The following KIF14 variants were observed in gnomAD, a reference collection of about 807,000 sequenced individuals.
The protein encoded by KIF14 is kinesin family member 14, also known as kinesin-like protein KIF14.
Under a neutral mutation model 176.2 loss-of-function variants are expected in KIF14, and 98 were observed. The ratio of observed to expected loss-of-function variants is 0.56; its 90% CI spans 0.47 to 0.66. The LOEUF (loss-of-function observed/expected upper bound fraction) is 0.66, where lower values mean the gene tolerates loss of function less well. Among genes scored for constraint, KIF14 ranks in the 30% least tolerant of loss-of-function variants. The pLI, the probability that KIF14 is intolerant of heterozygous loss-of-function variation, is 0.00. For missense variants in KIF14, 1,751 were observed against 1,920.4 expected, an observed-to-expected ratio of 0.91 and a Z score of 1.65; for synonymous variants, 566 against 632.2, an observed-to-expected ratio of 0.90 and a Z score of 1.57.
At chr1:200,589,139 T>A in intron 18 of KIF14, 78 bp downstream of exon 18, 1 of 1,200,330 alleles carries the variant, frequency 8.3e-7, no homozygotes. Context: ...TCTGTCAACA[T>A]ACCATAAGCC....
At chr1:200,578,115 C>T (rs1414969279) in intron 21 of KIF14, among the ~76,000 whole-genome samples, 1 of 152,020 alleles carries the variant, frequency 6.6e-6, no homozygotes, top group Non-Finnish European at 1.5e-5. Flanking sequence ...AGGTAACATA[C>T]TTTTTAAATG....
intron 18 of KIF14, among the ~76,000 whole-genome samples, chr1:200,588,518 T>C (rs1658879348): frequency 6.6e-6 from 1 of 152,110 alleles, no homozygotes; most frequent in Non-Finnish European, 1.5e-5. Flanking sequence ...GGATTACAGG[T>C]GTAAGCCACC....
rs757664988 is a variant in KIF14, at chr1:200,600,112, C to T, written c.2302G>A (p.Val768Met). 3.8e-6 allele frequency: 6 copies of T among 1,596,158 alleles called. No individual in the cohort carries two copies. Among genetic ancestry groups the T allele is most frequent in the Non-Finnish European group, 5.1e-6 (6 of 1,166,476 alleles). Reference sequence around the variant, plus strand: ...GCTTGTTCAAACTTTTCTTTCCACACTCTTTCCAAAGACAAAGAAAATAAC... The same window carrying T: ...GCTTGTTCAAACTTTTCTTTCCACATTCTTTCCAAAGACAAAGAAAATAAC... ...QERDMAEMQR[V>M]WKEKFEQAEK... The change falls in exon 13 of 30, where the codon GTG (valine) becomes ATG (methionine). Residue 768 changes from valine (V) to methionine (M), a missense_variant and splice_region_variant. Physicochemically the swap from Val to Met is conservative, Grantham distance 21 (BLOSUM62 1). Transcript: ENST00000367350.
intron 4 of KIF14, among the ~76,000 whole-genome samples, chr1:200,613,934 A>G (rs534806457): frequency 1.6e-4 from 24 of 152,306 alleles, no homozygotes; most frequent in Admixed American, 1.5e-3. Context: ...TCAAATCCCA[A>G]TTTCACTACT....
rs1269317744 is a variant in KIF14, at chr1:200,553,783, G to A, written c.4568-16C>T. 6.4e-7 allele frequency: 1 copy of A among 1,561,022 alleles called. No individual in the cohort carries two copies. Among genetic ancestry groups the A allele is most frequent in the African/African-American group, 1.4e-5 (1 of 72,768 alleles). ...CTATGGCATCCTATATGCAAGAGAG[G>A]AGGGAAAAGTTAATTAGCCTTTTCA... On this transcript the variant is annotated splice_polypyrimidine_tract_variant and intron_variant, in intron 29 of 29. Transcript: ENST00000367350.
intron 23 of KIF14, 40 bp from the exon 24 acceptor site, chr1:200,565,709 G>A: frequency 7.7e-7 from 1 of 1,300,300 alleles, no homozygotes; most frequent in African/African-American, 1.5e-5. Flanking sequence ...CTTGTTTTCA[G>A]GAATAATACT....
intron 25 of KIF14, among the ~76,000 whole-genome samples, chr1:200,563,007 C>T (rs572683214): frequency 2.0e-5 from 3 of 152,210 alleles, no homozygotes; most frequent in South Asian, 2.1e-4. Context: ...AAAGTCATAA[C>T]GGGTGAAGTT....
chr1:200,603,021 C>T (rs140150037), intron 10 of KIF14, among the ~76,000 whole-genome samples: 28 of 152,210 alleles, frequency 1.8e-4, no homozygotes, highest in African/African-American at 5.8e-4. Context: ...GATGAGGAAA[C>T]GGGCTAGAAT....
At chr1:200,576,193 G>GT (rs1658090971) in intron 21 of KIF14, among the ~76,000 whole-genome samples, 1 of 152,262 alleles carries the variant, frequency 6.6e-6, no homozygotes, top group Admixed American at 6.5e-5. Flanking sequence ...AAAGTAGGAG[G>GT]TAAGGCCGGG....
intron 19 of KIF14, among the ~76,000 whole-genome samples, chr1:200,582,710 C>T (rs1327559259): frequency 4.6e-5 from 7 of 151,994 alleles, no homozygotes; most frequent in African/African-American, 9.6e-5. Context: ...ATTAGTCAGG[C>T]GTGGTAGCGG....
In KIF14 at chr1:200,620,509, C is replaced by G. The variant is rs978156654; in HGVS notation, c.-214G>C. 15 of 152,344 alleles carry G rather than the reference C, an allele frequency of 9.8e-5. No homozygotes were observed. Among genetic ancestry groups the G allele is most frequent in the Non-Finnish European group, 2.2e-4 (15 of 68,114 alleles). 9.4% of individuals were successfully genotyped at this position (152,344 alleles called of 1,614,324 possible). A position where few individuals can be genotyped will look rare whatever the true frequency, so the allele number is the denominator to read the frequency against. ...CGGTCCCAGCAGAGACGCTGCCTTG[C>G]GCCCTTCGTTCGGGGACCCCTTCGC... On this transcript the variant is annotated 5_prime_UTR_variant, in exon 1 of 30. Coordinates refer to ENST00000367350, the MANE Select transcript of KIF14 (RefSeq NM_014875.3).
At chr1:200,592,537 A>C (rs1363342315) in intron 15 of KIF14, among the ~76,000 whole-genome samples, 1 of 152,118 alleles carries the variant, frequency 6.6e-6, no homozygotes, top group Non-Finnish European at 1.5e-5. Context: ...CACCACACCC[A>C]GCTAATTTTT....
chr1:200,573,072 G>A (rs999979535), intron 22 of KIF14, among the ~76,000 whole-genome samples: 2 of 152,136 alleles, frequency 1.3e-5, no homozygotes, highest in African/African-American at 2.4e-5. Flanking sequence ...CCCACCCACC[G>A]TAATAGGAGC....
intron 26 of KIF14, 139 bp from the exon 27 acceptor site, chr1:200,559,591 C>T (rs1452499840): frequency 4.9e-6 from 2 of 408,850 alleles, no homozygotes; most frequent in Non-Finnish European, 8.3e-6. Context: ...TAATACATCC[C>T]AAGTTTATTA....
At chr1:200,604,458 T>C (rs1659776793) in intron 8 of KIF14, among the ~76,000 whole-genome samples, 1 of 152,150 alleles carries the variant, frequency 6.6e-6, no homozygotes, top group Non-Finnish European at 1.5e-5. Context: ...AGTGGATAGA[T>C]TATGCCAAAA....
At chr1:200,605,532 A>G (rs1659838585) in intron 7 of KIF14, 142 bp from the exon 8 acceptor site, 1 of 551,594 alleles carries the variant, frequency 1.8e-6, no homozygotes, top group African/African-American at 2.0e-5. Flanking sequence ...GAGATAACAT[A>G]TACACATTTG....
At chr1:200,577,725 AAAG>A (rs1025863410) in intron 21 of KIF14, among the ~76,000 whole-genome samples, 3 of 152,212 alleles carry the variant, frequency 2.0e-5, no homozygotes, top group Admixed American at 2.0e-4. Flanking sequence ...GAAAAAAAAA[AAAG>A]AAGATTGGTT....
At chr1:200,575,426 C>T (rs1036405219) in intron 22 of KIF14, among the ~76,000 whole-genome samples, 165 bp downstream of exon 22, 1 of 152,072 alleles carries the variant, frequency 6.6e-6, no homozygotes, top group Non-Finnish European at 1.5e-5. Context: ...TGACCAATAA[C>T]ATATTATTCC....
chr1:200,611,858 T>C (rs1444682518), intron 4 of KIF14, among the ~76,000 whole-genome samples: 2 of 152,178 alleles, frequency 1.3e-5, no homozygotes, highest in Non-Finnish European at 2.9e-5. Context: ...AACAAACCTA[T>C]GAGAAAGACA....
Sources: gnomAD v4.1 joint callset for allele counts (sites outside exome capture counted in the v4.1 genomes callset) on GRCh38, gnomAD v4.1.1 for gene constraint, MANE v1.5 for transcripts, NCBI Gene and HGNC (gene_info 2026-07-23, HGNC 2026-07-21) for gene names.